The following TCF7L1 variants were observed in gnomAD, a reference collection of about 807,000 sequenced individuals.
The protein encoded by TCF7L1 is transcription factor 7-like 1.
In TCF7L1, 18 loss-of-function variants were observed where a neutral mutation model predicts 63.7. The observed-to-expected ratio is 0.28, with a 90% CI of 0.20 to 0.42. The LOEUF is 0.42. TCF7L1 is among the 10% of genes least tolerant of loss of function. The pLI, the probability that TCF7L1 is intolerant of heterozygous loss-of-function variation, is 1.00. For missense variants in TCF7L1, 654 were observed against 779.3 expected (o/e 0.84, Z 1.91); for synonymous variants, 355 against 340.9 (o/e 1.04, Z -0.46).
intron 3 of TCF7L1, among the ~76,000 whole-genome samples, chr2:85,278,293 G>A (rs1252636573): frequency 6.6e-6 from 1 of 152,178 alleles, no homozygotes; most frequent in Non-Finnish European, 1.5e-5. Flanking sequence ...GAGAAAGAGA[G>A]GAGCAGAGCC....
intron 3 of TCF7L1, among the ~76,000 whole-genome samples, chr2:85,195,536 CCTTTCTTTTTTTCCTT>C (rs1456181560): frequency 6.6e-6 from 1 of 151,996 alleles, no homozygotes; most frequent in Admixed American, 6.6e-5. Context: ...TTTTTGCTTT[CCTTTCTTTTTTTCCTT>C]CTTTCTTTTT....
chr2:85,159,698 G>T (rs1481072167), intron 3 of TCF7L1, among the ~76,000 whole-genome samples: 1 of 152,260 alleles, frequency 6.6e-6, no homozygotes, highest in Non-Finnish European at 1.5e-5. Flanking sequence ...CCCAAGGCCT[G>T]TGGGAAGGCT....
intron 4 of TCF7L1, among the ~76,000 whole-genome samples, chr2:85,296,848 T>A (rs1291125941): frequency 3.3e-5 from 5 of 152,176 alleles, no homozygotes; most frequent in Admixed American, 3.3e-4. Flanking sequence ...CTACAAATAG[T>A]GTTTCTAAAG....
rs1222245130 is a variant in TCF7L1 at position 85,214,302 on chromosome 2, C to A, written c.442-69193C>A. On this transcript the variant is annotated intron_variant, in intron 3 of 11. Coordinates refer to ENST00000282111, the MANE Select transcript of TCF7L1 (RefSeq NM_031283.3). ...TGCTCGAAGACAAATGGCCTGGGGC[C>A]TTTCTGCCCCTTGAGGGCAGGGGCA... Among the ~76,000 whole-genome samples, 4 of 152,198 alleles carry A rather than the reference C, an allele frequency of 2.6e-5. No homozygotes were observed. The East Asian group carries it at 7.7e-4, about 29-fold the overall frequency.
chr2:85,180,425 A>G (rs577460416), intron 3 of TCF7L1, among the ~76,000 whole-genome samples: 1 of 151,882 alleles, frequency 6.6e-6, no homozygotes, highest in Admixed American at 6.5e-5. Flanking sequence ...GGGTGTGTCT[A>G]CCTGCCTGAC....
At chr2:85,205,674 AGCCT>A (rs1223695381) in intron 3 of TCF7L1, among the ~76,000 whole-genome samples, 15 of 151,966 alleles carry the variant, frequency 9.9e-5, no homozygotes, top group African/African-American at 3.6e-4. Flanking sequence ...TTGGATTACA[AGCCT>A]GCTAATTTTT....
chr2:85,159,690 C>T (rs1678239395), intron 3 of TCF7L1, among the ~76,000 whole-genome samples: 1 of 152,230 alleles, frequency 6.6e-6, no homozygotes, highest in African/African-American at 2.4e-5. Flanking sequence ...TTCCTTGACC[C>T]AAGGCCTGTG....
At position 85,134,502 on chromosome 2, in the gene TCF7L1, A is replaced by T. The variant is rs1305913948; in HGVS notation, c.441+52A>T. On this transcript the variant is annotated intron_variant, in intron 3 of 11. Transcript: ENST00000282111. This position sits in a 1 kb window ranked among gnomAD's most constrained non-coding sequence, Gnocchi z 5.0. ...AGGGTGGGAGGCCGCGGCCCGCAGG[A>T]TGCGCCCCCGGGCTTGGCCATGGAG... 1.3e-6 allele frequency: 2 copies of T among 1,536,162 alleles called. No individual in the cohort carries two copies. The highest frequency in any genetic ancestry group is 5.0e-5 in the East Asian group (2 of 40,386).
chr2:85,147,610 G>A (rs1055368280), intron 3 of TCF7L1, among the ~76,000 whole-genome samples: 94 of 152,218 alleles, frequency 6.2e-4, no homozygotes, highest in African/African-American at 2.2e-3. Context: ...GGTCCCAGCT[G>A]GGCCAGGGGC....
chr2:85,168,527 C>T (rs566378627), intron 3 of TCF7L1, among the ~76,000 whole-genome samples: 4 of 151,790 alleles, frequency 2.6e-5, no homozygotes, highest in African/African-American at 4.8e-5. Context: ...TGGGTGCTGC[C>T]GAGTCTGAGC....
chr2:85,256,873 C>G (rs1680731482), intron 3 of TCF7L1, among the ~76,000 whole-genome samples: 1 of 151,906 alleles, frequency 6.6e-6, no homozygotes, highest in Non-Finnish European at 1.5e-5. Flanking sequence ...ATCCCAGCCA[C>G]TCGGGAAGCT....
chr2:85,137,755 T>C (rs946744998), intron 3 of TCF7L1, among the ~76,000 whole-genome samples: 27 of 152,000 alleles, frequency 1.8e-4, no homozygotes, highest in African/African-American at 6.5e-4. Context: ...TAGCCAGGCG[T>C]GCTGGCGAGC....
intron 3 of TCF7L1, among the ~76,000 whole-genome samples, chr2:85,148,550 A>G (rs1677933220): frequency 6.6e-6 from 1 of 152,182 alleles, no homozygotes; most frequent in Admixed American, 6.5e-5. Flanking sequence ...ATGCTTTGAG[A>G]AGCACTGAAG....
intron 4 of TCF7L1, among the ~76,000 whole-genome samples, chr2:85,284,498 T>C (rs1490336873): frequency 1.3e-5 from 2 of 152,150 alleles, no homozygotes; most frequent in Non-Finnish European, 1.5e-5. Flanking sequence ...CCTCAGGACA[T>C]GCAAAGGACT....
chr2:85,142,449 TG>T (rs1490966684), intron 3 of TCF7L1, among the ~76,000 whole-genome samples: 13 of 16,376 alleles, frequency 7.9e-4, no homozygotes, highest in Non-Finnish European at 1.4e-3. Context: ...TGTGTGTGTG[TG>T]TGTGTGTGTG....
At chr2:85,256,646 T>A (rs181803595) in intron 3 of TCF7L1, among the ~76,000 whole-genome samples, 2 of 152,230 alleles carry the variant, frequency 1.3e-5, no homozygotes, top group South Asian at 4.1e-4. Flanking sequence ...CTGCAACTTA[T>A]AATCAATTTA....
chr2:85,306,073 G>T lies in TCF7L1; in HGVS notation c.990-133G>T. On this transcript the variant is annotated intron_variant, in intron 8 of 11. Coordinates refer to ENST00000282111, the MANE Select transcript of TCF7L1 (RefSeq NM_031283.3). This position sits in a 1 kb window ranked among gnomAD's most constrained non-coding sequence, Gnocchi z 4.3. ...GTACTCAGGTGTTGAGTGCAGCCAT[G>T]GGGCCACTTGAATTAGCATCCAGGC... The T allele has an allele frequency of 9.9e-7, 1 of 1,012,452 alleles. No individual in the cohort carries two copies. The highest frequency in any genetic ancestry group is 1.5e-6 in the Non-Finnish European group (1 of 680,614). 62.7% of individuals were successfully genotyped at this position (1,012,452 alleles called of 1,614,324 possible). A position where few individuals can be genotyped will look rare whatever the true frequency, so the allele number is the denominator to read the frequency against.
intron 4 of TCF7L1, among the ~76,000 whole-genome samples, chr2:85,298,077 C>T (rs940048049): frequency 6.7e-6 from 1 of 148,790 alleles, no homozygotes. Context: ...CCTGCCTCAG[C>T]CTCCCGAGTA....
At chr2:85,141,038 C>A (rs1677725732) in intron 3 of TCF7L1, among the ~76,000 whole-genome samples, 1 of 151,850 alleles carries the variant, frequency 6.6e-6, no homozygotes, top group Admixed American at 6.6e-5. Context: ...GTAATCCCAG[C>A]TACTCAGGAG....
Sources: allele counts gnomAD v4.1 joint callset (sites outside exome capture counted in the v4.1 genomes callset), GRCh38; gene constraint gnomAD v4.1.1; non-coding constraint Gnocchi (gnomAD v3.1); transcripts MANE v1.5; gene names NCBI Gene and HGNC (gene_info 2026-07-23, HGNC 2026-07-21).